KCNH8: variants seen among roughly 807,000 people sequenced by gnomAD.
KCNH8 encodes voltage-gated delayed rectifier potassium channel KCNH8.
In KCNH8, 70 loss-of-function variants were observed where a neutral mutation model predicts 103.6. That is an observed-to-expected ratio of 0.68 (90% CI 0.56 to 0.82). The LOEUF (loss-of-function observed/expected upper bound fraction) is 0.82. Among genes scored for constraint, KCNH8 ranks in the 40% least tolerant of loss-of-function variants. The probability of loss-of-function intolerance (pLI) is 0.00; values close to 1 mark genes in which losing one functional copy is unlikely to be tolerated. For missense variants in KCNH8, 1,217 were observed against 1,329.9 expected (o/e 0.92, Z 1.32); for synonymous variants, 498 against 489.4 (o/e 1.02, Z -0.23).
chr3:19,221,599 A>C lies in KCNH8; in HGVS notation c.77-32055A>C, dbSNP rs143305125. 1.8e-3 allele frequency among the ~76,000 whole-genome samples: 268 copies of C among 152,214 alleles called. 2 individuals are homozygous for C. Among genetic ancestry groups the C allele is most frequent in the African/African-American group, 6.1e-3 (255 of 41,536 alleles). ...TCTTACAGAATTTTTCCTATTTTTAAAAAACATTAAGACTTCCAAAACACG... is the reference window on the plus strand; with the variant it reads ...TCTTACAGAATTTTTCCTATTTTTACAAAACATTAAGACTTCCAAAACACG... On this transcript the variant is annotated intron_variant, in intron 1 of 15. Coordinates refer to ENST00000328405, the MANE Select transcript of KCNH8 (RefSeq NM_144633.3).
At chr3:19,455,595 T>G (rs1333092082) in intron 10 of KCNH8, among the ~76,000 whole-genome samples, 1 of 152,078 alleles carries the variant, frequency 6.6e-6, no homozygotes, top group East Asian at 1.9e-4. Context: ...TGAGGTAGTT[T>G]TAGGTAATGA....
In KCNH8 at chr3:19,319,225, A is replaced by AT. The variant is rs1180166091; in HGVS notation, c.443-23361dup. 2.6e-4 allele frequency among the ~76,000 whole-genome samples: 40 copies of AT among 152,016 alleles called. 1 individual carries two copies. On this transcript the variant is annotated intron_variant, in intron 3 of 15. Coordinates refer to ENST00000328405, the MANE Select transcript of KCNH8 (RefSeq NM_144633.3). Reference sequence around the variant, plus strand: ...TGCATTTGCTTTTGGGTTCTTGGTCATGAAGTCTTTGCCTAAGCCAATGTC... The same window carrying AT: ...TGCATTTGCTTTTGGGTTCTTGGTCATTGAAGTCTTTGCCTAAGCCAATGTC...
At chr3:19,406,895 A>T (rs918853626) in intron 7 of KCNH8, among the ~76,000 whole-genome samples, 12 of 152,202 alleles carry the variant, frequency 7.9e-5, no homozygotes, top group African/African-American at 2.9e-4. Context: ...TAGTCAGATC[A>T]AATGATCTCC....
intron 3 of KCNH8, among the ~76,000 whole-genome samples, chr3:19,310,014 A>G (rs1403762629): frequency 6.6e-6 from 1 of 151,922 alleles, no homozygotes; most frequent in African/African-American, 2.4e-5. Context: ...TGGGAGGAAA[A>G]GAAATAGGAA....
chr3:19,394,701 A>T (rs889389855), intron 6 of KCNH8, among the ~76,000 whole-genome samples: 5 of 152,048 alleles, frequency 3.3e-5, no homozygotes, highest in Middle Eastern at 3.2e-3. Context: ...AATTATTATT[A>T]TAAAGCAATT....
intron 3 of KCNH8, among the ~76,000 whole-genome samples, chr3:19,293,676 C>A (rs2064960268): frequency 6.6e-6 from 1 of 152,160 alleles, no homozygotes; most frequent in African/African-American, 2.4e-5. Context: ...TGTTTTATAG[C>A]ATGTATGCCT....
chr3:19,305,244 C>T (rs1316002611), intron 3 of KCNH8, among the ~76,000 whole-genome samples: 1 of 152,032 alleles, frequency 6.6e-6, no homozygotes, highest in African/African-American at 2.4e-5. Context: ...GAATCTATAT[C>T]CAGCATAATT....
chr3:19,390,733 G>A, intron 6 of KCNH8, 95 bp downstream of exon 6: 4 of 1,234,096 alleles, frequency 3.2e-6, no homozygotes, highest in Non-Finnish European at 3.4e-6. Flanking sequence ...TGCTTCCAGG[G>A]TTTTGTGCCT....
At chr3:19,289,178 C>T (rs1575498651) in intron 3 of KCNH8, among the ~76,000 whole-genome samples, 1 of 151,780 alleles carries the variant, frequency 6.6e-6, no homozygotes. Flanking sequence ...CTGTAGGTTG[C>T]CTGTTCACTC....
At chr3:19,241,033 A>G (rs1559438394) in intron 1 of KCNH8, among the ~76,000 whole-genome samples, 1 of 152,116 alleles carries the variant, frequency 6.6e-6, no homozygotes, top group Admixed American at 6.5e-5. Flanking sequence ...TATTTTGTTA[A>G]GTGGAAGAAA....
At chr3:19,280,929 G>C (rs2064748001) in intron 2 of KCNH8, among the ~76,000 whole-genome samples, 1 of 152,070 alleles carries the variant, frequency 6.6e-6, no homozygotes, top group South Asian at 2.1e-4. Flanking sequence ...AATGCAGTTT[G>C]AATAATGTAA....
chr3:19,416,998 G>A (rs1194918772), intron 7 of KCNH8, among the ~76,000 whole-genome samples: 2 of 151,882 alleles, frequency 1.3e-5, no homozygotes, highest in African/African-American at 2.4e-5. Context: ...CCTTGCAACC[G>A]CATGAAACTC....
At chr3:19,221,555 T>C (rs1031833616) in intron 1 of KCNH8, among the ~76,000 whole-genome samples, 14 of 152,210 alleles carry the variant, frequency 9.2e-5, no homozygotes, top group Non-Finnish European at 1.9e-4. Context: ...TCTTCACTCC[T>C]AATTTATTTG....
chr3:19,170,810 A>ATTTTTTTTTT (rs1163528137), intron 1 of KCNH8, among the ~76,000 whole-genome samples: 1 of 75,358 alleles, frequency 1.3e-5, no homozygotes, highest in African/African-American at 5.2e-5. Context: ...ATATATATAT[A>ATTTTTTTTTT]TTTTTTTTTT....
intron 13 of KCNH8, among the ~76,000 whole-genome samples, chr3:19,515,000 A>G (rs1188820448): frequency 6.6e-6 from 1 of 151,810 alleles, no homozygotes; most frequent in East Asian, 1.9e-4. Flanking sequence ...TAATTTTAAT[A>G]ATATATTTTA....
intron 11 of KCNH8, among the ~76,000 whole-genome samples, chr3:19,486,817 T>G (rs2068221111): frequency 6.6e-6 from 1 of 152,220 alleles, no homozygotes; most frequent in Non-Finnish European, 1.5e-5. Flanking sequence ...ATTCCCTTAC[T>G]TGCCTTCTGG....
chr3:19,468,239 G>T (rs2067783595), intron 11 of KCNH8, among the ~76,000 whole-genome samples: 1 of 152,170 alleles, frequency 6.6e-6, no homozygotes, highest in Non-Finnish European at 1.5e-5. Flanking sequence ...GCCTAGGTCA[G>T]AGCCTAATGC....
At chr3:19,221,762 A>G (rs2063877122) in intron 1 of KCNH8, among the ~76,000 whole-genome samples, 1 of 152,142 alleles carries the variant, frequency 6.6e-6, no homozygotes, top group South Asian at 2.1e-4. Context: ...ACTGCTCTCA[A>G]CAACTTCTAA....
intron 2 of KCNH8, among the ~76,000 whole-genome samples, chr3:19,278,602 A>C (rs959238999): frequency 2.0e-5 from 3 of 151,978 alleles, no homozygotes; most frequent in Non-Finnish European, 4.4e-5. Flanking sequence ...AATAGTTTTT[A>C]TGCCCTTTAC....
Sources: gnomAD v4.1 joint callset for allele counts (sites outside exome capture counted in the v4.1 genomes callset) on GRCh38, gnomAD v4.1.1 for gene constraint, MANE v1.5 for transcripts, NCBI Gene and HGNC (gene_info 2026-07-23, HGNC 2026-07-21) for gene names.